Variants in PCDHGB4 observed in about 807,000 individuals in gnomAD.
PCDHGB4 encodes protocadherin gamma subfamily B, 4, also known as protocadherin gamma-B4.
In PCDHGB4, 38 loss-of-function variants were observed where a neutral mutation model predicts 60.5. The observed-to-expected ratio is 0.63, with a 90% CI of 0.48 to 0.82. The LOEUF is 0.82. Ranked by LOEUF, PCDHGB4 falls within the 40% of genes least tolerant of loss-of-function variation. PCDHGB4 has a pLI of 0.00. For synonymous variants in PCDHGB4, 456 were observed against 509.7 expected (o/e 0.89, Z 1.42); for missense variants, 1,109 against 1,209.6 (o/e 0.92, Z 1.23).
chr5:141,483,166 A>G (rs1288499520), intron 1 of PCDHGB4, among the ~76,000 whole-genome samples: 1 of 152,138 alleles, frequency 6.6e-6, no homozygotes, highest in Non-Finnish European at 1.5e-5. Flanking sequence ...ATCCTGAGTT[A>G]CCTTTGGGCC....
chr5:141,463,364 T>C (rs1166107031), intron 1 of PCDHGB4, among the ~76,000 whole-genome samples: 2 of 150,250 alleles, frequency 1.3e-5, no homozygotes, highest in Admixed American at 6.6e-5. Context: ...TCCCCTTTCC[T>C]GCCCCACAGT....
At chr5:141,426,448 C>T (rs1289310586) in intron 1 of PCDHGB4, 4 of 307,946 alleles carry the variant, frequency 1.3e-5, no homozygotes, top group Middle Eastern at 1.2e-3. Context: ...GGAGGACATG[C>T]GGCTGCATGT....
At chr5:141,460,977 G>A in intron 1 of PCDHGB4, among the ~76,000 whole-genome samples, 1 of 131,518 alleles carries the variant, frequency 7.6e-6, no homozygotes, top group African/African-American at 3.4e-5. Context: ...GTGTGTGTGT[G>A]TGTGTGTATA....
At position 141,400,101 on chromosome 5, in the gene PCDHGB4, G is replaced by A. The variant is rs778391200; in HGVS notation, c.2397+9820G>A. The A allele has an allele frequency of 8.1e-6, 13 of 1,613,948 alleles. No homozygotes were observed. The East Asian group carries it at 2.9e-4, about 36-fold the overall frequency. ...TCTCCGCCACCGCCACGCTGCACTT[G>A]GTCTTTGCTGACAGCTTGCAGGAGG... On this transcript the variant is annotated intron_variant, in intron 1 of 3. Coordinates refer to ENST00000519479, the MANE Select transcript of PCDHGB4 (RefSeq NM_003736.4).
intron 1 of PCDHGB4, chr5:141,409,119 C>A: frequency 6.2e-7 from 1 of 1,613,928 alleles, no homozygotes; most frequent in Non-Finnish European, 8.5e-7. Flanking sequence ...AATAACCAGT[C>A]ATTTGATTTT....
chr5:141,418,370 C>G (rs910813828), intron 1 of PCDHGB4: 1 of 1,613,822 alleles, frequency 6.2e-7, no homozygotes, highest in African/African-American at 1.3e-5. Flanking sequence ...GAGCAAATAC[C>G]AACTAAGTCC....
At position 141,390,008 on chromosome 5, in the gene PCDHGB4, C is replaced by G; in HGVS notation, c.2124C>G (p.Ala708=). The change falls in exon 1 of 4, where the codon GCC becomes GCG. Residue 708 remains alanine, a synonymous_variant. Coordinates refer to ENST00000519479, the MANE Select transcript of PCDHGB4 (RefSeq NM_003736.4). ...TCTTCCTCGTGGCCATGATTCTGGC[C>G]ATTGCCTTGCGCCTGCGACGCTCCT... The part of the protein sequence containing the change: ...SVLFLVAMIL[A]IALRLRRSSS... 1 of 1,614,038 alleles carries G rather than the reference C, an allele frequency of 6.2e-7. No homozygotes were observed. Among genetic ancestry groups the G allele is most frequent in the South Asian group, 1.1e-5 (1 of 91,084 alleles).
chr5:141,504,988 C>T (rs886919738), intron 2 of PCDHGB4, among the ~76,000 whole-genome samples: 2 of 152,036 alleles, frequency 1.3e-5, no homozygotes, highest in African/African-American at 4.8e-5. Context: ...ATGGTGAAAC[C>T]CCGTCTGTAC....
chr5:141,420,123 G>A (rs1335693841), intron 1 of PCDHGB4: 1 of 1,613,968 alleles, frequency 6.2e-7, no homozygotes, highest in Non-Finnish European at 8.5e-7. Flanking sequence ...TATAATTTTT[G>A]TGTGCCTGGG....
In PCDHGB4 at chr5:141,491,623, G is replaced by C; in HGVS notation, c.2398-3184G>C. On this transcript the variant is annotated intron_variant, in intron 1 of 3. Coordinates refer to ENST00000519479, the MANE Select transcript of PCDHGB4 (RefSeq NM_003736.4). The surrounding 1 kb of genome is among the most constrained non-coding windows in gnomAD (Gnocchi z 6.9). ...CTTCACTTTTCTAAGACCCCTCAGC[G>C]TTCAGCAGCCCACAGCTCTGGCGCT... 1 of 1,613,930 alleles carries C rather than the reference G, an allele frequency of 6.2e-7. No individual in the cohort carries two copies. Among genetic ancestry groups the C allele is most frequent in the Non-Finnish European group, 8.5e-7 (1 of 1,180,020 alleles).
intron 1 of PCDHGB4, among the ~76,000 whole-genome samples, chr5:141,405,806 C>T (rs2094720612): frequency 6.8e-6 from 1 of 146,048 alleles, no homozygotes. Context: ...TTAGCTTTCT[C>T]TTTAACTGTC....
chr5:141,422,117 C>A, intron 1 of PCDHGB4: 1 of 1,604,272 alleles, frequency 6.2e-7, no homozygotes, highest in East Asian at 2.2e-5. Context: ...CAATTGGATT[C>A]ACAAACTGGA....
In PCDHGB4 at chr5:141,389,786, C is replaced by T. The variant is rs368188508; in HGVS notation, c.1902C>T (p.Asp634=). 6.2e-6 allele frequency: 10 copies of T among 1,613,252 alleles called. No homozygotes were observed. The African/African-American group carries it at 1.1e-4, about 17-fold the overall frequency. ...VRTARALGDR[D]AVRQRLLVAV... is the part of the protein sequence containing the mutation. The stretch of plus-strand genomic sequence containing the variant: ...CAGCGCGTGCCTTAGGCGACAGGGA[C>T]GCCGTCCGCCAGCGCCTTCTGGTCG... Residue 634 remains aspartate (D), a synonymous_variant, in exon 1 of 4, where the codon GAC becomes GAT. Transcript: ENST00000519479.
chr5:141,421,348 G>C lies in PCDHGB4; in HGVS notation c.2397+31067G>C, dbSNP rs202220769. On this transcript the variant is annotated intron_variant, in intron 1 of 3. Coordinates refer to ENST00000519479, the MANE Select transcript of PCDHGB4 (RefSeq NM_003736.4). ...CCGATATTCGGTGCCAGAAGAGACC[G>C]AAAAGGGCTCCTTCGTGGGCAATAT... 9.1e-5 allele frequency: 147 copies of C among 1,613,862 alleles called. No individual in the cohort carries two copies. Among genetic ancestry groups the C allele is most frequent in the Non-Finnish European group, 1.1e-4 (125 of 1,179,904 alleles).
intron 1 of PCDHGB4, among the ~76,000 whole-genome samples, chr5:141,462,448 G>A (rs1435453503): frequency 6.6e-6 from 1 of 152,022 alleles, no homozygotes; most frequent in Non-Finnish European, 1.5e-5. Context: ...ACACAACTGT[G>A]TAACTGAAAA....
At chr5:141,423,050 G>T (rs1434973750) in intron 1 of PCDHGB4, 2 of 1,614,068 alleles carry the variant, frequency 1.2e-6, no homozygotes, top group Admixed American at 1.7e-5. Context: ...CTGTCCTATC[G>T]CCTGCTTAAG....
In PCDHGB4 at chr5:141,477,500, T is replaced by C. The variant is rs757547508; in HGVS notation, c.2398-17307T>C. The C allele has an allele frequency of 3.1e-6, 5 of 1,614,156 alleles. No homozygotes were observed. Among genetic ancestry groups the C allele is most frequent in the Non-Finnish European group, 4.2e-6 (5 of 1,180,026 alleles). ...CCCTCCACAATCTTCTCAATCTTCC[T>C]ACGACGTTTACATTGAAGAAAACAA... On this transcript the variant is annotated intron_variant, in intron 1 of 3. Coordinates refer to ENST00000519479, the MANE Select transcript of PCDHGB4 (RefSeq NM_003736.4). This position sits in a 1 kb window ranked among gnomAD's most constrained non-coding sequence, Gnocchi z 4.9.
intron 1 of PCDHGB4, chr5:141,392,821 C>G: frequency 6.3e-7 from 1 of 1,594,632 alleles, no homozygotes; most frequent in Non-Finnish European, 8.5e-7. Context: ...ACAATGGCCG[C>G]TCCACAGAGT....
At chr5:141,494,676 CT>C (rs2099756021) in intron 1 of PCDHGB4, 130 bp from the exon 2 acceptor site, 6 of 1,550,918 alleles carry the variant, frequency 3.9e-6, no homozygotes, top group Non-Finnish European at 4.4e-6. Context: ...GAGTCCACCC[CT>C]GCCCCCTCTT....
Sources: allele counts gnomAD v4.1 joint callset (sites outside exome capture counted in the v4.1 genomes callset), GRCh38; gene constraint gnomAD v4.1.1; non-coding constraint Gnocchi (gnomAD v3.1); transcripts MANE v1.5; gene names NCBI Gene and HGNC (gene_info 2026-07-23, HGNC 2026-07-21).